The following FBXO38 variants were observed in gnomAD, a reference collection of about 807,000 sequenced individuals.
The protein encoded by FBXO38 is F-box only protein 38.
Under a neutral mutation model 131.9 loss-of-function variants are expected in FBXO38, and 53 were observed. The ratio of observed to expected loss-of-function variants is 0.40; its 90% CI spans 0.32 to 0.51. The LOEUF (loss-of-function observed/expected upper bound fraction) is 0.51. Ranked by LOEUF, FBXO38 falls within the 20% of genes least tolerant of loss-of-function variation. The probability of loss-of-function intolerance (pLI) is 0.53; values close to 1 mark genes in which losing one functional copy is unlikely to be tolerated. For synonymous variants in FBXO38, 452 were observed against 505.6 expected (o/e 0.89, Z 1.42); for missense variants, 1,076 against 1,475.6 (o/e 0.73, Z 4.44).
intron 15 of FBXO38, chr5:148,430,118 G>A (rs1334966451): frequency 6.7e-6 from 1 of 148,950 alleles, no homozygotes; most frequent in Non-Finnish European, 1.5e-5. Flanking sequence ...GAAGTTATTT[G>A]GGTAGCTTAC....
At chr5:148,434,017 A>G (rs769970373) in intron 17 of FBXO38, 2 of 221,062 alleles carry the variant, frequency 9.0e-6, no homozygotes, top group Non-Finnish European at 1.8e-5. Flanking sequence ...CAGGCTTTGG[A>G]GTCAGATAGA....
At chr5:148,407,111 A>G (rs146884799) in intron 7 of FBXO38, among the ~76,000 whole-genome samples, 166 of 152,348 alleles carry the variant, frequency 1.1e-3, no homozygotes, top group Non-Finnish European at 4.9e-4. Flanking sequence ...AGTAAACACT[A>G]CATTTCTAGA....
chr5:148,439,520 A>T, intron 18 of FBXO38, 127 bp from the exon 19 acceptor site: 1 of 921,660 alleles, frequency 1.1e-6, no homozygotes, highest in Non-Finnish European at 1.6e-6. Flanking sequence ...GAATGTGACT[A>T]TTTGATTTTC....
intron 7 of FBXO38, among the ~76,000 whole-genome samples, chr5:148,406,676 G>T (rs1396747622): frequency 6.6e-6 from 1 of 151,992 alleles, no homozygotes; most frequent in Non-Finnish European, 1.5e-5. Context: ...CTTATGTATG[G>T]AATCTTTCTT....
At chr5:148,424,588 A>G (rs1753615916) in intron 13 of FBXO38, among the ~76,000 whole-genome samples, 1 of 152,180 alleles carries the variant, frequency 6.6e-6, no homozygotes, top group Non-Finnish European at 1.5e-5. Context: ...TAACTCGCAT[A>G]GCCTTTCATT....
Position 148,402,369 on chromosome 5 carries a change from G to C in FBXO38, c.448G>C (p.Glu150Gln). 6.2e-7 allele frequency: 1 copy of C among 1,606,526 alleles called. No individual in the cohort carries two copies. The highest frequency in any genetic ancestry group is 8.5e-7 in the Non-Finnish European group (1 of 1,174,890). Residue 150 changes from glutamate to glutamine, a missense_variant, in exon 5 of 22, where the codon GAG (glutamate) becomes CAG (glutamine). Coordinates refer to ENST00000340253, the MANE Select transcript of FBXO38 (RefSeq NM_205836.3). ...NLVGVETSHL[E>Q]LVESIWTYMP... is the part of the protein sequence containing the mutation. ...CTAGGGTGTGGAAACTTCTCATTTGGAGTTGGTAGAATCCATTTGGACATA... is the reference window on the plus strand; with the variant it reads ...CTAGGGTGTGGAAACTTCTCATTTGCAGTTGGTAGAATCCATTTGGACATA...
intron 3 of FBXO38, among the ~76,000 whole-genome samples, chr5:148,401,638 T>A (rs1561519255): frequency 6.6e-6 from 1 of 152,074 alleles, no homozygotes; most frequent in Non-Finnish European, 1.5e-5. Flanking sequence ...GTGGTGGTGA[T>A]CAGGTGGGTG....
At position 148,427,465 on chromosome 5, in the gene FBXO38, G is replaced by A. The variant is rs376265947; in HGVS notation, c.2171G>A (p.Ser724Asn). The change falls in exon 15 of 22, where the codon AGC (serine) becomes AAC (asparagine). Residue 724 changes from serine to asparagine, a missense_variant. Coordinates refer to ENST00000340253, the MANE Select transcript of FBXO38 (RefSeq NM_205836.3). ...AGCTCACACAACACTGCTTCTCAAA[G>A]CCCCGACTTTGTAAGGACGGTGAAC... ...NSSSHNTASQ[S>N]PDFVRTVNSG... 4.2e-5 allele frequency: 67 copies of A among 1,614,106 alleles called. No homozygotes were observed. The highest frequency in any genetic ancestry group is 6.7e-5 in the African/African-American group (5 of 74,946).
rs1753008317 is a variant in FBXO38, at chr5:148,415,638, T to G, written c.1265-290T>G. Reference sequence around the variant, plus strand: ...CTATTAAATAAATATGCCATAATTTTTTAATTCAGTGTCCTATTGTTGAAA... The same window carrying G: ...CTATTAAATAAATATGCCATAATTTGTTAATTCAGTGTCCTATTGTTGAAA... On this transcript the variant is annotated intron_variant, in intron 10 of 21. Coordinates refer to ENST00000340253, the MANE Select transcript of FBXO38 (RefSeq NM_205836.3). Among the ~76,000 whole-genome samples, 2 of 152,166 alleles carry G rather than the reference T, an allele frequency of 1.3e-5. 1 individual carries two copies. Among genetic ancestry groups the G allele is most frequent in the Admixed American group, 1.3e-4 (2 of 15,260 alleles).
chr5:148,439,535 C>A (rs1172244929), intron 18 of FBXO38, 112 bp from the exon 19 acceptor site: 5 of 1,022,536 alleles, frequency 4.9e-6, no homozygotes, highest in African/African-American at 1.6e-5. Flanking sequence ...ATTTTCAAAT[C>A]AGCCAGAGAT....
chr5:148,409,851 G>T (rs1235537232), intron 8 of FBXO38, among the ~76,000 whole-genome samples: 1 of 152,060 alleles, frequency 6.6e-6, no homozygotes, highest in Non-Finnish European at 1.5e-5. Flanking sequence ...CTAAGTTTAG[G>T]TAGGTATTGT....
chr5:148,396,636 A>G (rs1758495424), intron 2 of FBXO38, among the ~76,000 whole-genome samples: 1 of 152,204 alleles, frequency 6.6e-6, no homozygotes, highest in African/African-American at 2.4e-5. Flanking sequence ...TGGACAATAT[A>G]TAATATGTAT....
intron 1 of FBXO38, among the ~76,000 whole-genome samples, chr5:148,390,343 C>G (rs1032087136): frequency 1.2e-4 from 19 of 152,164 alleles, no homozygotes; most frequent in Non-Finnish European, 2.4e-4. Flanking sequence ...CTAGATTTCT[C>G]CAGGCTATAA....
chr5:148,425,469 T>C (rs900601720), intron 13 of FBXO38, 53 bp from the exon 14 acceptor site: 13 of 1,406,866 alleles, frequency 9.2e-6, no homozygotes, highest in Non-Finnish European at 1.3e-5. Context: ...GTACTTTGCA[T>C]TAGATCCTTT....
In FBXO38 at chr5:148,410,729, C is replaced by T; in HGVS notation, c.1057C>T (p.Leu353Phe). Residue 353 changes from leucine to phenylalanine, a missense_variant, in exon 9 of 22, where the codon CTT (leucine) becomes TTT (phenylalanine). Leu to Phe is a conservative substitution (Grantham distance 22). This residue lies in a region of FBXO38 where 146 missense variants were observed against 274.3 expected (regional missense o/e 0.53). Transcript: ENST00000340253. ...GTTGGAGTTTCCCCAGTTTGAAACC[C>T]TTCATCTAGGATATGTAGATGAGTT... is the stretch of plus-strand genomic sequence containing the variant. ...AELEFPQFET[L>F]HLGYVDEFLL... 2 of 1,613,872 alleles carry T rather than the reference C, an allele frequency of 1.2e-6. No homozygotes were observed. The highest frequency in any genetic ancestry group is 1.7e-6 in the Non-Finnish European group (2 of 1,179,896).
In FBXO38 at chr5:148,402,488, C is replaced by T. The variant is rs1752212344; in HGVS notation, c.567C>T (p.Ala189=). 3.7e-6 allele frequency: 6 copies of T among 1,609,782 alleles called. No homozygotes were observed. Among genetic ancestry groups the T allele is most frequent in the Non-Finnish European group, 4.2e-6 (5 of 1,177,786 alleles). The change falls in exon 5 of 22, where the codon GCC becomes GCT. Residue 189 remains alanine (A), a synonymous_variant. Coordinates refer to ENST00000340253, the MANE Select transcript of FBXO38 (RefSeq NM_205836.3). ...PENKLKIPIG[A]KIQTLHLVGV... Reference sequence around the variant, plus strand: ...ATAAACTGAAAATTCCTATAGGAGCCAAAATTCAAACTTTACATTTAGTTG... The same window carrying T: ...ATAAACTGAAAATTCCTATAGGAGCTAAAATTCAAACTTTACATTTAGTTG...
At chr5:148,405,249 A>G (rs1321194573) in intron 6 of FBXO38, among the ~76,000 whole-genome samples, 2 of 152,120 alleles carry the variant, frequency 1.3e-5, no homozygotes, top group Non-Finnish European at 2.9e-5. Context: ...TGTTCAACCC[A>G]CGGTCCACTG....
intron 15 of FBXO38, 113 bp from the exon 16 acceptor site, chr5:148,433,311 A>G (rs549500276): frequency 1.4e-6 from 1 of 719,234 alleles, no homozygotes; most frequent in Admixed American, 2.6e-5. Flanking sequence ...CTGGGAACCA[A>G]ATTGTAGATT....
At chr5:148,395,585 T>A (rs1418727250) in intron 2 of FBXO38, among the ~76,000 whole-genome samples, 1 of 152,114 alleles carries the variant, frequency 6.6e-6, no homozygotes, top group African/African-American at 2.4e-5. Context: ...ACTTTGTCTC[T>A]GAAATTAGAG....
Sources: allele counts gnomAD v4.1 joint callset (sites outside exome capture counted in the v4.1 genomes callset), GRCh38; gene constraint gnomAD v4.1.1; regional missense constraint gnomAD v4.1.1; transcripts MANE v1.5; gene names NCBI Gene and HGNC (gene_info 2026-07-23, HGNC 2026-07-21).